Variants in PCDHGA1 observed in about 807,000 individuals in gnomAD.
The protein encoded by PCDHGA1 is protocadherin gamma subfamily A, 1.
PCDHGA1 carries 32 observed loss-of-function variants against 58.0 expected under a neutral mutation model. That is an observed-to-expected ratio of 0.55 (90% CI 0.42 to 0.74). The LOEUF (loss-of-function observed/expected upper bound fraction) is 0.74, where lower values mean the gene tolerates loss of function less well. PCDHGA1 is among the 30% of genes least tolerant of loss of function. PCDHGA1 has a pLI of 0.00. For synonymous variants in PCDHGA1, 498 were observed against 501.1 expected, an observed-to-expected ratio of 0.99 and a Z score of 0.08; for missense variants, 1,205 against 1,182.3, an observed-to-expected ratio of 1.02 and a Z score of -0.28.
chr5:141,388,875 G>T lies in PCDHGA1; in HGVS notation c.2421+55770G>T, dbSNP rs201053346. ...TGGAGGAATGATTGCGCAATGCACAGTGGAGGTAGAAGTCATAGATGAAAA... is the reference window on the plus strand; with the variant it reads ...TGGAGGAATGATTGCGCAATGCACATTGGAGGTAGAAGTCATAGATGAAAA... On this transcript the variant is annotated intron_variant, in intron 1 of 3. Coordinates refer to ENST00000517417, the MANE Select transcript of PCDHGA1 (RefSeq NM_018912.3). 1.4e-4 allele frequency: 224 copies of T among 1,614,024 alleles called. No homozygotes were observed. The highest frequency in any genetic ancestry group is 1.8e-4 in the Non-Finnish European group (214 of 1,179,874).
At chr5:141,398,149 C>T (rs761559295) in intron 1 of PCDHGA1, 29 of 1,497,086 alleles carry the variant, frequency 1.9e-5, no homozygotes, top group Non-Finnish European at 2.6e-5. Context: ...CGCCGGGGAG[C>T]TGGGCCGGGC....
intron 1 of PCDHGA1, among the ~76,000 whole-genome samples, chr5:141,483,557 G>A (rs141633312): frequency 4.5e-4 from 69 of 152,276 alleles, no homozygotes; most frequent in Admixed American, 1.9e-3. Context: ...GCCATTCACA[G>A]AGACAGTGAA....
chr5:141,476,714 C>T lies in PCDHGA1; in HGVS notation c.2422-18093C>T, dbSNP rs146188020. On this transcript the variant is annotated intron_variant, in intron 1 of 3. Transcript: ENST00000517417. The surrounding 1 kb of genome is among the most constrained non-coding windows in gnomAD (Gnocchi z 7.6). ...CAAGTACGCGGAGCTGGTGTTGGAG[C>T]GCGCCCTGGACCGAGAACGGGAGCC... The T allele has an allele frequency of 6.2e-7, 1 of 1,614,154 alleles. No individual in the cohort carries two copies. The highest frequency in any genetic ancestry group is 8.5e-7 in the Non-Finnish European group (1 of 1,180,032).
intron 1 of PCDHGA1, chr5:141,439,735 G>A (rs1317592646): frequency 1.3e-5 from 2 of 152,360 alleles, no homozygotes; most frequent in Non-Finnish European, 2.9e-5. Flanking sequence ...AGCAGGAACG[G>A]AACGGATTTA....
chr5:141,344,270 G>C, intron 1 of PCDHGA1: 2 of 1,614,078 alleles, frequency 1.2e-6, no homozygotes, highest in Non-Finnish European at 1.7e-6. Context: ...CTCTGAATCC[G>C]CAAAGCGGCA....
Position 141,395,019 on chromosome 5 carries a change from C to G in PCDHGA1, c.2421+61914C>G, listed in dbSNP as rs374672662. On this transcript the variant is annotated intron_variant, in intron 1 of 3. Transcript: ENST00000517417. ...TTCCGGTGGCAGATTGGTAGGCGTG[C>G]CTGCCTCACATTTTGTGGGTGTTGA... The G allele has an allele frequency of 3.7e-6, 6 of 1,613,986 alleles. No homozygotes were observed. Among genetic ancestry groups the G allele is most frequent in the Non-Finnish European group, 5.1e-6 (6 of 1,180,016 alleles).
intron 1 of PCDHGA1, among the ~76,000 whole-genome samples, chr5:141,397,686 T>C (rs963267542): frequency 7.2e-5 from 11 of 152,372 alleles, no homozygotes; most frequent in Middle Eastern, 3.4e-3. Flanking sequence ...TGCAGGTTTG[T>C]ATAAAAACCC....
intron 1 of PCDHGA1, chr5:141,475,916 G>C (rs1396506642): frequency 1.7e-6 from 1 of 595,408 alleles, no homozygotes; most frequent in Non-Finnish European, 2.9e-6. Flanking sequence ...CAATGAAGAC[G>C]CTGGAGATCG....
intron 1 of PCDHGA1, among the ~76,000 whole-genome samples, chr5:141,469,667 T>C (rs62379201): frequency 0.22 from 32,952 of 152,218 alleles, 3,707 homozygotes; most frequent in African/African-American, 0.28. Flanking sequence ...CTTGTTCTAA[T>C]AAAACTACAT....
At position 141,511,216 on chromosome 5, in the gene PCDHGA1, C is replaced by G. The variant is rs374915167; in HGVS notation, c.*43C>G. Reference sequence around the variant, plus strand: ...GAGCCACAGGGCGGCCTCTCCCCAACCAGCCCAGCTTCTCCTTACCTGCAC... The same window carrying G: ...GAGCCACAGGGCGGCCTCTCCCCAAGCAGCCCAGCTTCTCCTTACCTGCAC... On this transcript the variant is annotated 3_prime_UTR_variant, in exon 4 of 4. Coordinates refer to ENST00000517417, the MANE Select transcript of PCDHGA1 (RefSeq NM_018912.3). 4.2e-5 allele frequency: 68 copies of G among 1,608,004 alleles called. No individual in the cohort carries two copies. The highest frequency in any genetic ancestry group is 6.7e-5 in the East Asian group (3 of 44,538).
rs372245447 is a variant in PCDHGA1, at chr5:141,489,609, C to T, written c.2422-5198C>T. ...AGCTAATCCGTGTAGAGGTAGAGAT[C>T]CTGGATCTCAATGACAACTCTCCTA... On this transcript the variant is annotated intron_variant, in intron 1 of 3. Coordinates refer to ENST00000517417, the MANE Select transcript of PCDHGA1 (RefSeq NM_018912.3). This position sits in a 1 kb window ranked among gnomAD's most constrained non-coding sequence, Gnocchi z 4.5. The T allele has an allele frequency of 1.9e-6, 3 of 1,613,934 alleles. No homozygotes were observed. The African/African-American group carries it at 4.0e-5, about 22-fold the overall frequency.
intron 1 of PCDHGA1, chr5:141,418,511 G>A: frequency 5.6e-6 from 9 of 1,613,974 alleles, no homozygotes; most frequent in Non-Finnish European, 7.6e-6. Context: ...CTTAGATGGT[G>A]GGGACCCTCC....
intron 1 of PCDHGA1, chr5:141,390,073 G>C: frequency 6.2e-7 from 1 of 1,614,074 alleles, no homozygotes; most frequent in Non-Finnish European, 8.5e-7. Context: ...CCTGGTCTCT[G>C]TGTTAAATCC....
intron 1 of PCDHGA1, among the ~76,000 whole-genome samples, chr5:141,462,117 C>G (rs965365318): frequency 6.6e-6 from 1 of 152,170 alleles, no homozygotes; most frequent in African/African-American, 2.4e-5. Flanking sequence ...GCCACTGCAC[C>G]CAGTCCAATT....
chr5:141,361,838 G>C (rs761837286), intron 1 of PCDHGA1: 61 of 1,612,714 alleles, frequency 3.8e-5, no homozygotes, highest in Non-Finnish European at 4.9e-5. Flanking sequence ...CCCGCGCTGG[G>C]GCCTGATGGC....
At chr5:141,382,571 A>G (rs1016420360) in intron 1 of PCDHGA1, among the ~76,000 whole-genome samples, 2 of 152,244 alleles carry the variant, frequency 1.3e-5, no homozygotes, top group Admixed American at 6.5e-5. Flanking sequence ...AAGAAATCTA[A>G]CAGGGAAATT....
chr5:141,352,802 C>T (rs993327157), intron 1 of PCDHGA1: 8 of 903,664 alleles, frequency 8.9e-6, no homozygotes, highest in Middle Eastern at 2.9e-4. Flanking sequence ...CCAGCATAGC[C>T]AAGATGGTAA....
chr5:141,362,114 T>A, intron 1 of PCDHGA1: 2 of 1,613,988 alleles, frequency 1.2e-6, no homozygotes, highest in Non-Finnish European at 1.7e-6. Context: ...ACGGCCACGC[T>A]GCACCTAATC....
chr5:141,432,288 A>C lies in PCDHGA1; in HGVS notation c.2422-62519A>C. ...TCGTCCTACGTGTCCATCAACTCCG[A>C]CACTGGGGTACTGTATGCGCTGAGC... On this transcript the variant is annotated intron_variant, in intron 1 of 3. Coordinates refer to ENST00000517417, the MANE Select transcript of PCDHGA1 (RefSeq NM_018912.3). This position sits in a 1 kb window ranked among gnomAD's most constrained non-coding sequence, Gnocchi z 6.0. 1 of 1,614,192 alleles carries C rather than the reference A, an allele frequency of 6.2e-7. No individual in the cohort carries two copies. Among genetic ancestry groups the C allele is most frequent in the Non-Finnish European group, 8.5e-7 (1 of 1,180,018 alleles).
Sources: gnomAD v4.1 joint callset for allele counts (sites outside exome capture counted in the v4.1 genomes callset) on GRCh38, gnomAD v4.1.1 for gene constraint, Gnocchi (gnomAD v3.1) non-coding constraint, MANE v1.5 for transcripts, NCBI Gene and HGNC (gene_info 2026-07-23, HGNC 2026-07-21) for gene names.